ZFPM2: variants seen among roughly 807,000 people sequenced by gnomAD.
ZFPM2 encodes zinc finger protein, FOG family member 2.
Under a neutral mutation model 98.6 loss-of-function variants are expected in ZFPM2, and 20 were observed. The observed-to-expected ratio is 0.20, with a 90% confidence interval of 0.14 to 0.29. ZFPM2 has a LOEUF of 0.29. ZFPM2 is among the 10% of genes least tolerant of loss of function. The probability of loss-of-function intolerance (pLI) is 1.00; values close to 1 mark genes in which losing one functional copy is unlikely to be tolerated. For synonymous variants in ZFPM2, 518 were observed against 502.7 expected (o/e 1.03, Z -0.41); for missense variants, 1,310 against 1,388.6 (o/e 0.94, Z 0.90).
intron 1 of ZFPM2, among the ~76,000 whole-genome samples, chr8:105,364,313 C>G (rs1282847729): frequency 6.6e-6 from 1 of 151,760 alleles, no homozygotes; most frequent in Non-Finnish European, 1.5e-5. Context: ...GCAATAATTA[C>G]TAGGTCAAGA....
Position 105,802,912 on chromosome 8 carries a change from G to T in ZFPM2, c.2830G>T (p.Val944Phe), listed in dbSNP as rs758178975. 3.1e-6 allele frequency: 5 copies of T among 1,613,620 alleles called. No individual in the cohort carries two copies. The South Asian group carries it at 4.4e-5, about 14-fold the overall frequency. The change falls in exon 8 of 8, where the codon GTC (valine) becomes TTC (phenylalanine). Residue 944 changes from valine (V) to phenylalanine (F), a missense_variant. Transcript: ENST00000407775. ...CCTAGCAACCCTGCAAGGCTTGAAGGTCTTTAGTGAAGCTGCTCAGCTCAT... is the reference window on the plus strand; with the variant it reads ...CCTAGCAACCCTGCAAGGCTTGAAGTTCTTTAGTGAAGCTGCTCAGCTCAT... Reference protein sequence around the residue: ...SHLATLQGLKVFSEAAQLIAT... With the variant: ...SHLATLQGLKFFSEAAQLIAT...
intron 3 of ZFPM2, among the ~76,000 whole-genome samples, chr8:105,506,685 G>A (rs371368525): frequency 3.3e-5 from 5 of 152,078 alleles, no homozygotes; most frequent in East Asian, 3.9e-4. Context: ...ATCTAAACTC[G>A]AAAAGAAATA....
At chr8:105,690,123 C>A (rs1810842990) in intron 5 of ZFPM2, among the ~76,000 whole-genome samples, 1 of 152,144 alleles carries the variant, frequency 6.6e-6, no homozygotes, top group South Asian at 2.1e-4. Flanking sequence ...ATGACATATA[C>A]CTCAATTAGG....
At chr8:105,397,244 T>A (rs1428821397) in intron 1 of ZFPM2, among the ~76,000 whole-genome samples, 1 of 152,094 alleles carries the variant, frequency 6.6e-6, no homozygotes, top group East Asian at 1.9e-4. Flanking sequence ...AAGATATGCA[T>A]CAAAATAAAA....
chr8:105,519,882 C>A (rs538898761), intron 3 of ZFPM2, among the ~76,000 whole-genome samples: 14 of 151,898 alleles, frequency 9.2e-5, no homozygotes, highest in African/African-American at 3.1e-4. Context: ...TATTGTCTTG[C>A]AATTACTATA....
Position 105,388,168 on chromosome 8 carries a change from C to T in ZFPM2, c.41-30976C>T, listed in dbSNP as rs142256779. ...AAGACAGACATATAACTGAATATTGCATGCCAAAATATGCAAACACATGTG... is the reference window on the plus strand; with the variant it reads ...AAGACAGACATATAACTGAATATTGTATGCCAAAATATGCAAACACATGTG... On this transcript the variant is annotated intron_variant, in intron 1 of 7. Coordinates refer to ENST00000407775, the MANE Select transcript of ZFPM2 (RefSeq NM_012082.4). 1.1e-4 allele frequency among the ~76,000 whole-genome samples: 16 copies of T among 152,274 alleles called. No individual in the cohort carries two copies. The East Asian group carries it at 2.5e-3, about 24-fold the overall frequency.
At chr8:105,623,321 C>G (rs1489586941) in intron 4 of ZFPM2, among the ~76,000 whole-genome samples, 2 of 152,056 alleles carry the variant, frequency 1.3e-5, no homozygotes, top group African/African-American at 2.4e-5. Flanking sequence ...TTCTTATTTC[C>G]ATTCTTCTAG....
chr8:105,342,850 T>G (rs1812454352), intron 1 of ZFPM2, among the ~76,000 whole-genome samples: 1 of 152,012 alleles, frequency 6.6e-6, no homozygotes, highest in Admixed American at 6.6e-5. Context: ...ACATAATAGA[T>G]CTCTAGGTTT....
At chr8:105,528,538 G>T (rs1814224585) in intron 3 of ZFPM2, among the ~76,000 whole-genome samples, 1 of 152,086 alleles carries the variant, frequency 6.6e-6, no homozygotes, top group Non-Finnish European at 1.5e-5. Flanking sequence ...ATAAAAGAAT[G>T]AATAGTTGAA....
chr8:105,506,311 G>T (rs1347277745), intron 3 of ZFPM2, among the ~76,000 whole-genome samples: 1 of 152,068 alleles, frequency 6.6e-6, no homozygotes, highest in Non-Finnish European at 1.5e-5. Context: ...ATTTCATCAA[G>T]TTTTCATCTA....
intron 7 of ZFPM2, among the ~76,000 whole-genome samples, chr8:105,799,658 A>G (rs1813941246): frequency 6.6e-6 from 1 of 152,162 alleles, no homozygotes; most frequent in African/African-American, 2.4e-5. Context: ...TAATTATCAT[A>G]TTTTTTAAAA....
intron 5 of ZFPM2, among the ~76,000 whole-genome samples, chr8:105,673,929 C>T (rs1817642949): frequency 1.3e-5 from 2 of 152,186 alleles, no homozygotes; most frequent in Admixed American, 1.3e-4. Flanking sequence ...CCCATAGCAT[C>T]ACGCTTGTTA....
At chr8:105,564,718 A>G (rs558181354) in intron 4 of ZFPM2, among the ~76,000 whole-genome samples, 3 of 152,290 alleles carry the variant, frequency 2.0e-5, no homozygotes, top group South Asian at 2.1e-4. Context: ...TGAGCATGAT[A>G]AAATTGTTGA....
At chr8:105,700,688 C>T (rs1228606150) in intron 5 of ZFPM2, among the ~76,000 whole-genome samples, 5 of 152,072 alleles carry the variant, frequency 3.3e-5, no homozygotes, top group South Asian at 2.1e-4. Context: ...CTCCACCTTA[C>T]GGGTTCATGT....
Position 105,794,455 on chromosome 8 carries a change from G to A in ZFPM2, c.740-4269G>A, listed in dbSNP as rs56390993. Among the ~76,000 whole-genome samples the A allele has an allele frequency of 4.3e-3, 651 of 152,286 alleles. 3 individuals are homozygous for A. The highest frequency in any genetic ancestry group is 0.014 in the African/African-American group (582 of 41,570). The stretch of plus-strand genomic sequence containing the variant: ...CCTCTGGAAGTTTTGTCTCAGAGGA[G>A]TATCTGGCTGTGTGAGGTGTCAGTC... On this transcript the variant is annotated intron_variant, in intron 6 of 7. Coordinates refer to ENST00000407775, the MANE Select transcript of ZFPM2 (RefSeq NM_012082.4).
intron 5 of ZFPM2, among the ~76,000 whole-genome samples, chr8:105,675,080 A>G (rs1563516392): frequency 1.3e-5 from 2 of 152,164 alleles, no homozygotes; most frequent in Non-Finnish European, 2.9e-5. Flanking sequence ...CATGGGGTAA[A>G]GCGGACTGGG....
chr8:105,347,660 C>T (rs1812563937), intron 1 of ZFPM2, among the ~76,000 whole-genome samples: 1 of 152,156 alleles, frequency 6.6e-6, no homozygotes, highest in Non-Finnish European at 1.5e-5. Flanking sequence ...CATTTACAGA[C>T]ATGGCATATG....
chr8:105,328,033 G>T (rs1048073445), intron 1 of ZFPM2, among the ~76,000 whole-genome samples: 1 of 151,666 alleles, frequency 6.6e-6, no homozygotes, highest in Non-Finnish European at 1.5e-5. Context: ...GAATCATTTG[G>T]AATGATGTGT....
chr8:105,525,957 G>A (rs1337764231), intron 3 of ZFPM2, among the ~76,000 whole-genome samples: 2 of 151,990 alleles, frequency 1.3e-5, no homozygotes, highest in Non-Finnish European at 1.5e-5. Flanking sequence ...CCTGGCCTAA[G>A]TGCTCAAATA....
Sources: gnomAD v4.1 joint callset for allele counts (sites outside exome capture counted in the v4.1 genomes callset) on GRCh38, gnomAD v4.1.1 for gene constraint, MANE v1.5 for transcripts, NCBI Gene and HGNC (gene_info 2026-07-23, HGNC 2026-07-21) for gene names.